The following ADK variants were observed in gnomAD, a reference collection of about 807,000 sequenced individuals.
ADK encodes the protein adenosine kinase.
Under a neutral mutation model 44.7 loss-of-function variants are expected in ADK, and 24 were observed. That is an observed-to-expected ratio of 0.54 (90% CI 0.39 to 0.76). The LOEUF is 0.76. Ranked by LOEUF, ADK falls within the 30% of genes least tolerant of loss-of-function variation. The pLI, the probability that ADK is intolerant of heterozygous loss-of-function variation, is 0.00. For missense variants in ADK, 321 were observed against 425.1 expected, an observed-to-expected ratio of 0.76 and a Z score of 2.15; for synonymous variants, 128 against 142.6, an observed-to-expected ratio of 0.90 and a Z score of 0.73.
At chr10:74,408,816 C>T (rs1370731553) in intron 6 of ADK, among the ~76,000 whole-genome samples, 1 of 152,070 alleles carries the variant, frequency 6.6e-6, no homozygotes, top group African/African-American at 2.4e-5. Flanking sequence ...TTATCTTAGT[C>T]ATCTTCATGT....
chr10:74,586,250 T>C (rs1851521589), intron 7 of ADK, among the ~76,000 whole-genome samples: 1 of 152,116 alleles, frequency 6.6e-6, no homozygotes, highest in African/African-American at 2.4e-5. Context: ...CAGTCCAAGA[T>C]CAGAGGAAGG....
At chr10:74,316,983 T>C (rs553673664) in intron 4 of ADK, among the ~76,000 whole-genome samples, 73 of 152,208 alleles carry the variant, frequency 4.8e-4, no homozygotes, top group Non-Finnish European at 8.1e-4. Flanking sequence ...ATAAAAGGAA[T>C]TTGAAGCTTT....
intron 3 of ADK, among the ~76,000 whole-genome samples, chr10:74,244,126 C>T (rs1845326817): frequency 6.6e-6 from 1 of 152,138 alleles, no homozygotes; most frequent in Admixed American, 6.5e-5. Flanking sequence ...AACCTTGGTT[C>T]AATATTCAAA....
intron 6 of ADK, among the ~76,000 whole-genome samples, chr10:74,451,452 C>T (rs760447085): frequency 7.3e-5 from 11 of 151,710 alleles, no homozygotes; most frequent in Non-Finnish European, 1.3e-4. Context: ...ACTGGTAGCC[C>T]GTATTAAATG....
intron 6 of ADK, among the ~76,000 whole-genome samples, chr10:74,486,001 T>C (rs890404609): frequency 6.6e-6 from 1 of 152,194 alleles, no homozygotes; most frequent in Non-Finnish European, 1.5e-5. Flanking sequence ...ACAAATAAGA[T>C]GGGAGAATTT....
intron 3 of ADK, among the ~76,000 whole-genome samples, chr10:74,271,880 T>C (rs1209176215): frequency 3.3e-5 from 5 of 152,126 alleles, no homozygotes; most frequent in Non-Finnish European, 7.4e-5. Context: ...TCATATTAGC[T>C]TGAACTTTCC....
chr10:74,664,629 G>A (rs1182233408), intron 9 of ADK, among the ~76,000 whole-genome samples: 2 of 152,154 alleles, frequency 1.3e-5, no homozygotes, highest in Non-Finnish European at 2.9e-5. Flanking sequence ...GATCACTTGA[G>A]GTCAGGAGTT....
At chr10:74,393,974 A>G (rs1013514463) in intron 4 of ADK, among the ~76,000 whole-genome samples, 167 bp from the exon 5 acceptor site, 8 of 152,154 alleles carry the variant, frequency 5.3e-5, no homozygotes, top group African/African-American at 1.7e-4. Context: ...CATGGTTGTT[A>G]TATTAAGTTT....
intron 9 of ADK, among the ~76,000 whole-genome samples, chr10:74,606,758 G>A (rs1156413464): frequency 6.6e-6 from 1 of 152,012 alleles, no homozygotes; most frequent in African/African-American, 2.4e-5. Flanking sequence ...GGTCTGCTTG[G>A]CCAGAGCTGA....
At chr10:74,222,033 C>T (rs541249437) in intron 2 of ADK, among the ~76,000 whole-genome samples, 1 of 152,286 alleles carries the variant, frequency 6.6e-6, no homozygotes, top group African/African-American at 2.4e-5. Flanking sequence ...AACTAAAGAG[C>T]TTCTGCACAG....
At chr10:74,518,557 T>C (rs1357356589) in intron 6 of ADK, among the ~76,000 whole-genome samples, 1 of 152,224 alleles carries the variant, frequency 6.6e-6, no homozygotes, top group African/African-American at 2.4e-5. Flanking sequence ...CTTGGTTGTG[T>C]AGACACAAAT....
At chr10:74,583,309 C>T (rs1189141322) in intron 7 of ADK, among the ~76,000 whole-genome samples, 2 of 151,682 alleles carry the variant, frequency 1.3e-5, no homozygotes, top group African/African-American at 4.9e-5. Flanking sequence ...TTGTTTTTCT[C>T]ACCTGAGGAT....
intron 6 of ADK, among the ~76,000 whole-genome samples, chr10:74,417,067 T>C (rs1344350271): frequency 6.6e-6 from 1 of 152,108 alleles, no homozygotes. Flanking sequence ...AGGCTTCTTG[T>C]GGTAGCTTTT....
chr10:74,507,211 A>C (rs190599475), intron 6 of ADK, among the ~76,000 whole-genome samples: 1 of 152,348 alleles, frequency 6.6e-6, no homozygotes, highest in Non-Finnish European at 1.5e-5. Context: ...TAAACTGGGA[A>C]AGTTTCAGAT....
At chr10:74,452,560 A>T (rs908227002) in intron 6 of ADK, among the ~76,000 whole-genome samples, 3 of 152,046 alleles carry the variant, frequency 2.0e-5, no homozygotes, top group African/African-American at 7.2e-5. Flanking sequence ...GAAATGTGAT[A>T]ATTAGAAATA....
intron 10 of ADK, among the ~76,000 whole-genome samples, chr10:74,687,909 A>C (rs1293251583): frequency 6.6e-6 from 1 of 152,164 alleles, no homozygotes; most frequent in Non-Finnish European, 1.5e-5. Flanking sequence ...TTTTCTGTAT[A>C]ATAGCCAAAA....
At chr10:74,278,203 A>G (rs1254123332) in intron 3 of ADK, among the ~76,000 whole-genome samples, 1 of 151,492 alleles carries the variant, frequency 6.6e-6, no homozygotes, top group Non-Finnish European at 1.5e-5. Context: ...AAAATACAAA[A>G]ATTAGCCAGG....
At chr10:74,611,576 T>C (rs1453720781) in intron 9 of ADK, among the ~76,000 whole-genome samples, 2 of 151,512 alleles carry the variant, frequency 1.3e-5, no homozygotes, top group African/African-American at 4.9e-5. Flanking sequence ...AAGGCTGGGG[T>C]TTGGGCTTCT....
At chr10:74,194,792 AAGCTG>A (rs1222604494) in intron 1 of ADK, among the ~76,000 whole-genome samples, 1 of 152,178 alleles carries the variant, frequency 6.6e-6, no homozygotes, top group Non-Finnish European at 1.5e-5. Context: ...GAGTCATATA[AAGCTG>A]AGGTTTCTGG....
Sources: allele counts gnomAD v4.1 joint callset (sites outside exome capture counted in the v4.1 genomes callset), GRCh38; gene constraint gnomAD v4.1.1; transcripts MANE v1.5; gene names NCBI Gene and HGNC (gene_info 2026-07-23, HGNC 2026-07-21).